CDH12: variants seen among roughly 807,000 people sequenced by gnomAD.
CDH12 encodes cadherin 12.
A neutral mutation model predicts 74.1 loss-of-function variants in CDH12; 41 were observed. The ratio of observed to expected loss-of-function variants is 0.55; its 90% confidence interval spans 0.43 to 0.72. The LOEUF (loss-of-function observed/expected upper bound fraction) is 0.72, where lower values mean the gene tolerates loss of function less well. Ranked by LOEUF, CDH12 falls within the 30% of genes least tolerant of loss-of-function variation. The pLI is 0.00. For synonymous variants in CDH12, 399 were observed against 355.0 expected, an observed-to-expected ratio of 1.12 and a Z score of -1.39; for missense variants, 945 against 977.2, an observed-to-expected ratio of 0.97 and a Z score of 0.44.
At chr5:21,842,407 A>T in intron 7 of CDH12, 79 bp from the exon 8 acceptor site, 1 of 981,560 alleles carries the variant, frequency 1.0e-6, no homozygotes, top group Non-Finnish European at 1.5e-6. Context: ...TGCAACAACA[A>T]CATGATTCTA....
chr5:21,786,075 T>G (rs1746181626), intron 10 of CDH12, among the ~76,000 whole-genome samples: 1 of 152,190 alleles, frequency 6.6e-6, no homozygotes, highest in Non-Finnish European at 1.5e-5. Flanking sequence ...CCTATGAATT[T>G]TGCTAAATCT....
intron 3 of CDH12, among the ~76,000 whole-genome samples, chr5:22,367,112 T>C (rs1258455239): frequency 6.6e-6 from 1 of 152,202 alleles, no homozygotes; most frequent in Non-Finnish European, 1.5e-5. Context: ...TGGTTACTTG[T>C]ATTTTTGTGT....
At position 22,395,011 on chromosome 5, in the gene CDH12, T is replaced by C. The variant is rs146176113; in HGVS notation, c.-333+10246A>G. 1.9e-4 allele frequency among the ~76,000 whole-genome samples: 29 copies of C among 152,276 alleles called. No individual in the cohort carries two copies. The East Asian group carries it at 2.1e-3, about 11-fold the overall frequency. On this transcript the variant is annotated intron_variant, in intron 3 of 14. Transcript: ENST00000382254. ...GACTGTGATAGGACTGGATGGTGAC[T>C]ATCACAAAGATAATTTCACATCTTA...
intron 1 of CDH12, among the ~76,000 whole-genome samples, chr5:22,802,842 C>A (rs547720825): frequency 2.0e-5 from 3 of 152,152 alleles, no homozygotes; most frequent in African/African-American, 7.2e-5. Flanking sequence ...TGTTGAGAGC[C>A]GAGTTTGGAA....
intron 6 of CDH12, among the ~76,000 whole-genome samples, chr5:21,864,411 T>C (rs186840207): frequency 1.3e-5 from 2 of 152,234 alleles, no homozygotes; most frequent in Admixed American, 1.3e-4. Flanking sequence ...AACAAAAAGA[T>C]GGAAGAAAAG....
chr5:22,082,797 T>G (rs1364692832), intron 4 of CDH12, among the ~76,000 whole-genome samples: 7 of 152,166 alleles, frequency 4.6e-5, no homozygotes, highest in Non-Finnish European at 8.8e-5. Flanking sequence ...TAGAACATGA[T>G]GCCCATTTCC....
chr5:22,703,577 A>G (rs1347502737), intron 1 of CDH12, among the ~76,000 whole-genome samples: 1 of 152,174 alleles, frequency 6.6e-6, no homozygotes, highest in Non-Finnish European at 1.5e-5. Flanking sequence ...TGTCATATTA[A>G]TAGTGTTAAC....
intron 4 of CDH12, among the ~76,000 whole-genome samples, chr5:22,164,714 T>C (rs1410938728): frequency 4.0e-5 from 6 of 151,116 alleles, no homozygotes; most frequent in Non-Finnish European, 8.8e-5. Flanking sequence ...TGATTGGCTA[T>C]TTCTTTACCT....
intron 1 of CDH12, among the ~76,000 whole-genome samples, chr5:22,510,477 T>C (rs1736555719): frequency 1.3e-5 from 2 of 152,098 alleles, no homozygotes; most frequent in South Asian, 4.1e-4. Flanking sequence ...GACTTTTAAA[T>C]AAGTGGAATA....
intron 1 of CDH12, among the ~76,000 whole-genome samples, chr5:22,586,690 G>T (rs1357449800): frequency 6.6e-6 from 1 of 151,718 alleles, no homozygotes. Flanking sequence ...ATCCTGATTT[G>T]AAATATATTT....
intron 1 of CDH12, among the ~76,000 whole-genome samples, chr5:22,715,058 A>C (rs1743501909): frequency 6.6e-6 from 1 of 152,194 alleles, no homozygotes; most frequent in Non-Finnish European, 1.5e-5. Context: ...TTCAGTTATC[A>C]ACCTTAACTT....
chr5:22,125,838 A>C (rs1328024462), intron 4 of CDH12, among the ~76,000 whole-genome samples: 1 of 152,218 alleles, frequency 6.6e-6, no homozygotes, highest in Non-Finnish European at 1.5e-5. Context: ...GATATCTGAT[A>C]GAAGGAGAAA....
At chr5:22,119,282 T>C (rs1426709009) in intron 4 of CDH12, among the ~76,000 whole-genome samples, 9 of 139,494 alleles carry the variant, frequency 6.5e-5, no homozygotes, top group Admixed American at 5.4e-4. Context: ...AATCTTCTAC[T>C]TCGTTTTTTT....
At chr5:22,419,893 G>A (rs1224213748) in intron 2 of CDH12, among the ~76,000 whole-genome samples, 2 of 152,094 alleles carry the variant, frequency 1.3e-5, no homozygotes, top group Non-Finnish European at 2.9e-5. Flanking sequence ...GCATTTCTCT[G>A]ATGATCAGTG....
chr5:21,858,931 G>A (rs2150005563), intron 6 of CDH12, among the ~76,000 whole-genome samples: 1 of 151,974 alleles, frequency 6.6e-6, no homozygotes, highest in Non-Finnish European at 1.5e-5. Context: ...TGACTAAACT[G>A]AGCTAATTAA....
At chr5:21,997,408 T>C (rs1736360184) in intron 5 of CDH12, among the ~76,000 whole-genome samples, 1 of 152,142 alleles carries the variant, frequency 6.6e-6, no homozygotes, top group African/African-American at 2.4e-5. Flanking sequence ...TTATATATTG[T>C]GGGGCATAAA....
At chr5:21,792,292 A>G (rs1561188719) in intron 10 of CDH12, among the ~76,000 whole-genome samples, 1 of 151,782 alleles carries the variant, frequency 6.6e-6, no homozygotes, top group Non-Finnish European at 1.5e-5. Context: ...CTACTTTCCT[A>G]TCAATTTCTC....
chr5:21,909,724 C>T (rs538788501), intron 6 of CDH12, among the ~76,000 whole-genome samples: 3 of 152,070 alleles, frequency 2.0e-5, no homozygotes, highest in Admixed American at 1.3e-4. Context: ...ATTTTAGGTT[C>T]GCCTCCTTAG....
intron 6 of CDH12, among the ~76,000 whole-genome samples, chr5:21,905,450 CA>C (rs557983292): frequency 6.6e-6 from 1 of 152,290 alleles, no homozygotes; most frequent in South Asian, 2.1e-4. Flanking sequence ...ACTGTCTTTG[CA>C]GTTTGTCTTT....
Sources: gnomAD v4.1 joint callset for allele counts (sites outside exome capture counted in the v4.1 genomes callset) on GRCh38, gnomAD v4.1.1 for gene constraint, MANE v1.5 for transcripts, NCBI Gene and HGNC (gene_info 2026-07-23, HGNC 2026-07-21) for gene names.